Variants in HMCN2 observed in about 807,000 individuals in gnomAD.
HMCN2 encodes the protein hemicentin 2, also known as hemicentin-2.
A neutral mutation model predicts 377.5 loss-of-function variants in HMCN2; 325 were observed. The ratio of observed to expected loss-of-function variants is 0.86; its 90% CI spans 0.79 to 0.94. The LOEUF is 0.94. Among genes scored for constraint, HMCN2 ranks in the 40% least tolerant of loss-of-function variants. The pLI is 0.00. For missense variants in HMCN2, 4,543 were observed against 4,725.3 expected, an observed-to-expected ratio of 0.96 and a Z score of 1.13; for synonymous variants, 2,007 against 2,046.8, an observed-to-expected ratio of 0.98 and a Z score of 0.53.
At chr9:130,356,563 A>G (rs1442246190) in intron 34 of HMCN2, among the ~76,000 whole-genome samples, 2 of 152,204 alleles carry the variant, frequency 1.3e-5, no homozygotes, top group African/African-American at 4.8e-5. Flanking sequence ...GTCTTCGTCT[A>G]CGTTTGCTGT....
chr9:130,425,442 A>G (rs898175630), intron 89 of HMCN2, among the ~76,000 whole-genome samples: 2 of 150,914 alleles, frequency 1.3e-5, no homozygotes, highest in Non-Finnish European at 3.0e-5. Flanking sequence ...GGCTCACCCC[A>G]TCTCCTCCCA....
chr9:130,345,508 G>A (rs1839344805), intron 25 of HMCN2, among the ~76,000 whole-genome samples: 1 of 150,644 alleles, frequency 6.6e-6, no homozygotes, highest in African/African-American at 2.5e-5. Flanking sequence ...GTCATGTGTG[G>A]TATGTGTATG....
In HMCN2 at chr9:130,355,939, G is replaced by C; in HGVS notation, c.5255+85G>C. ...ATTGTGGGGGGAAGTGGACAGGAGA[G>C]AGGCTTCCTGTTTCCAGGAGTAGGA... is the stretch of plus-strand genomic sequence containing the variant. On this transcript the variant is annotated intron_variant, in intron 33 of 97. Coordinates refer to ENST00000683500, the MANE Select transcript of HMCN2 (RefSeq NM_001291815.2). 5.2e-6 allele frequency: 5 copies of C among 953,980 alleles called. No individual in the cohort carries two copies. The South Asian group carries it at 7.5e-5, about 14-fold the overall frequency. 59.1% of individuals were successfully genotyped at this position (953,980 alleles called of 1,614,324 possible).
chr9:130,362,366 C>G (rs910642945), intron 39 of HMCN2, among the ~76,000 whole-genome samples: 2 of 152,190 alleles, frequency 1.3e-5, no homozygotes, highest in African/African-American at 4.8e-5. Context: ...CATGAACCAC[C>G]TACATCATTG....
At position 130,414,654 on chromosome 9, in the gene HMCN2, C is replaced by T. The variant is rs992780073; in HGVS notation, c.12961+4002C>T. On this transcript the variant is annotated intron_variant, in intron 85 of 97. Coordinates refer to ENST00000683500, the MANE Select transcript of HMCN2 (RefSeq NM_001291815.2). This position sits in a 1 kb window ranked among gnomAD's most constrained non-coding sequence, Gnocchi z 4.4. ...TAAGACAAGGTCTGACTCTGTTGCC[C>T]AGGCTGGAGTGCAGTGACATGATCA... Among the ~76,000 whole-genome samples the T allele has an allele frequency of 1.3e-5, 2 of 151,276 alleles. No homozygotes were observed. Among genetic ancestry groups the T allele is most frequent in the African/African-American group, 4.9e-5 (2 of 41,110 alleles).
At chr9:130,307,817 C>T (rs1836969399) in intron 14 of HMCN2, among the ~76,000 whole-genome samples, 2 of 152,186 alleles carry the variant, frequency 1.3e-5, no homozygotes, top group African/African-American at 4.8e-5. Flanking sequence ...TTCCGGCTTC[C>T]CTGGGTGACC....
chr9:130,355,662 G>T (rs41297215), intron 32 of HMCN2, 84 bp from the exon 33 acceptor site: 15,189 of 756,900 alleles, frequency 0.02, 231 homozygotes, highest in Non-Finnish European at 0.021. Context: ...GCTGGGCCTC[G>T]CTTGGAAGGC....
Position 130,304,882 on chromosome 9 carries a change from C to T in HMCN2, c.1696C>T (p.Gln566Ter), listed in dbSNP as rs1554936082. 2.1e-6 allele frequency: 1 copy of T among 471,150 alleles called. No homozygotes were observed. The highest frequency in any genetic ancestry group is 4.4e-6 in the Non-Finnish European group (1 of 227,070). 29.2% of individuals were successfully genotyped at this position (471,150 alleles called of 1,614,324 possible). A position where few individuals can be genotyped will look rare whatever the true frequency, so the allele number is the denominator to read the frequency against. Reference protein sequence around the residue: ...VLPASTGRVAQLADLSLEISG... With the variant: ...VLPASTGRVA The stretch of plus-strand genomic sequence containing the variant: ...GCCGGCCTCGACGGGCCGAGTTGCC[C>T]AGCTGGCTGACCTGTCCCTGGAGAT... Residue 566 changes from glutamine to a stop codon, truncating the protein, a stop_gained, in exon 11 of 98, where the codon CAG becomes TAG. Coordinates refer to ENST00000683500, the MANE Select transcript of HMCN2 (RefSeq NM_001291815.2). LOFTEE classifies it high-confidence loss of function. This position sits in a 1 kb window ranked among gnomAD's most constrained non-coding sequence, Gnocchi z 4.3.
intron 85 of HMCN2, among the ~76,000 whole-genome samples, chr9:130,418,505 C>T (rs1190539652): frequency 6.6e-6 from 1 of 152,076 alleles, no homozygotes; most frequent in African/African-American, 2.4e-5. Flanking sequence ...TGAGATCGCA[C>T]CACTGCACTC....
At chr9:130,405,293 G>C (rs1843039853) in intron 81 of HMCN2, among the ~76,000 whole-genome samples, 1 of 152,246 alleles carries the variant, frequency 6.6e-6, no homozygotes. Context: ...CCTGGGGAAG[G>C]GAGGGAACTC....
chr9:130,341,732 C>G (rs1839055932), intron 24 of HMCN2, among the ~76,000 whole-genome samples: 1 of 151,940 alleles, frequency 6.6e-6, no homozygotes, highest in Admixed American at 6.6e-5. Flanking sequence ...CAACCATAGG[C>G]CAGTCACCTA....
intron 57 of HMCN2, among the ~76,000 whole-genome samples, chr9:130,383,920 C>CTAGG (rs1841872817): frequency 6.6e-6 from 1 of 152,232 alleles, no homozygotes; most frequent in South Asian, 2.1e-4. Context: ...GCCCACCCAG[C>CTAGG]TTTGCAGCTG....
At position 130,393,966 on chromosome 9, in the gene HMCN2, G is replaced by C. The variant is rs371430138; in HGVS notation, c.10459G>C (p.Glu3487Gln). 9 of 1,281,880 alleles carry C rather than the reference G, an allele frequency of 7.0e-6. No individual in the cohort carries two copies. The highest frequency in any genetic ancestry group is 2.4e-5 in the Admixed American group (1 of 42,296). 79.4% of individuals were successfully genotyped at this position (1,281,880 alleles called of 1,614,324 possible). Reference sequence around the variant, plus strand: ...GACCTACTCCTGTGTGGCCGTGAGCGAGGCGGGGGAAGCCAGGAGGCATTT... The same window carrying C: ...GACCTACTCCTGTGTGGCCGTGAGCCAGGCGGGGGAAGCCAGGAGGCATTT... ...SGTYSCVAVS[E>Q]AGEARRHFQL... Residue 3487 changes from glutamate to glutamine, a missense_variant, in exon 68 of 98, where the codon GAG becomes CAG. Glu to Gln is a conservative substitution (Grantham distance 29). Transcript: ENST00000683500. The surrounding 1 kb of genome is among the most constrained non-coding windows in gnomAD (Gnocchi z 5.2).
chr9:130,403,536 G>C (rs774836617), intron 79 of HMCN2, among the ~76,000 whole-genome samples: 29 of 152,192 alleles, frequency 1.9e-4, no homozygotes, highest in Non-Finnish European at 3.7e-4. Flanking sequence ...GATGCCATCC[G>C]AGCACTCGGT....
At position 130,350,293 on chromosome 9, in the gene HMCN2, T is replaced by C. The variant is rs540847314; in HGVS notation, c.4430+630T>C. On this transcript the variant is annotated intron_variant, in intron 29 of 97. Transcript: ENST00000683500. ...GGCTCACGCCTGTAATCCCAGCATT[T>C]TGGGAGGCCAAGGCGGCCAGATCAC... Among the ~76,000 whole-genome samples the C allele has an allele frequency of 3.0e-3, 453 of 149,372 alleles. 3 individuals carry two copies. The highest frequency in any genetic ancestry group is 0.01 in the African/African-American group (412 of 40,874).
At position 130,354,952 on chromosome 9, in the gene HMCN2, A is replaced by T. The variant is rs1839945260; in HGVS notation, c.5054A>T (p.Glu1685Val). The T allele has an allele frequency of 1.5e-6, 2 of 1,302,970 alleles. No homozygotes were observed. Among genetic ancestry groups the T allele is most frequent in the Non-Finnish European group, 2.0e-6 (2 of 988,916 alleles). 80.7% of individuals were successfully genotyped at this position (1,302,970 alleles called of 1,614,324 possible). A position where few individuals can be genotyped will look rare whatever the true frequency, so the allele number is the denominator to read the frequency against. Reference sequence around the variant, plus strand: ...ACAGACGGGAGTGTGCTGAGGCTGGAGAGCCCGGGGGAGGCATCCAGTGGC... The same window carrying T: ...ACAGACGGGAGTGTGCTGAGGCTGGTGAGCCCGGGGGAGGCATCCAGTGGC... ...LETDGSVLRL[E>V]SPGEASSGLY... Residue 1685 changes from glutamate to valine, a missense_variant, in exon 32 of 98, where the codon GAG (glutamate) becomes GTG (valine). Physicochemically the swap from Glu to Val is moderately radical, Grantham distance 121 (BLOSUM62 -2). Coordinates refer to ENST00000683500, the MANE Select transcript of HMCN2 (RefSeq NM_001291815.2).
At position 130,353,215 on chromosome 9, in the gene HMCN2, C is replaced by T; in HGVS notation, c.4864+10C>T. On this transcript the variant is annotated intron_variant, in intron 31 of 97. Transcript: ENST00000683500. Reference sequence around the variant, plus strand: ...AGGCTGGATGTTTATGGTGAGCAGCCAGGGGCCACGGCAGCCGGGGTGGGC... The same window carrying T: ...AGGCTGGATGTTTATGGTGAGCAGCTAGGGGCCACGGCAGCCGGGGTGGGC... 1.5e-6 allele frequency: 2 copies of T among 1,302,022 alleles called. No homozygotes were observed. Among genetic ancestry groups the T allele is most frequent in the Non-Finnish European group, 2.0e-6 (2 of 988,132 alleles). The allele number at this position is 1,302,022 out of a possible 1,614,324, so 80.7% of individuals were successfully genotyped here. A position where few individuals can be genotyped will look rare whatever the true frequency, so the allele number is the denominator to read the frequency against.
intron 80 of HMCN2, 91 bp from the exon 81 acceptor site, chr9:130,404,778 C>A: frequency 2.1e-6 from 2 of 931,572 alleles, no homozygotes; most frequent in Non-Finnish European, 2.8e-6. Flanking sequence ...CCAGGGAGGG[C>A]TGAAGGGCTG....
chr9:130,334,648 G>A (rs1838618162), intron 22 of HMCN2, among the ~76,000 whole-genome samples: 2 of 149,624 alleles, frequency 1.3e-5, no homozygotes, highest in African/African-American at 4.9e-5. Context: ...AAGTTCTGGA[G>A]GGCAACTTCT....
Sources: gnomAD v4.1 joint callset for allele counts (sites outside exome capture counted in the v4.1 genomes callset) on GRCh38, gnomAD v4.1.1 for gene constraint, Gnocchi (gnomAD v3.1) non-coding constraint, MANE v1.5 for transcripts, NCBI Gene and HGNC (gene_info 2026-07-23, HGNC 2026-07-21) for gene names.